SH3BGRL2: variants seen among roughly 807,000 people sequenced by gnomAD.
SH3BGRL2 encodes the protein SH3 domain-binding glutamic acid-rich-like protein 2.
In SH3BGRL2, 21 loss-of-function variants were observed where a neutral mutation model predicts 14.8. The ratio of observed to expected loss-of-function variants is 1.42; its 90% CI spans 1.01 to 2.05. The LOEUF is 2.05. Among genes scored for constraint, SH3BGRL2 ranks in the 30% most tolerant of loss-of-function variants. The pLI, the probability that SH3BGRL2 is intolerant of heterozygous loss-of-function variation, is 0.00. For missense variants in SH3BGRL2, 147 were observed against 130.8 expected, an observed-to-expected ratio of 1.12 and a Z score of -0.61; for synonymous variants, 50 against 47.8, an observed-to-expected ratio of 1.05 and a Z score of -0.19.
In SH3BGRL2 at chr6:79,680,385, C is replaced by G. The variant is rs561488989; in HGVS notation, c.231+6586C>G. On this transcript the variant is annotated intron_variant, in intron 2 of 3. Coordinates refer to ENST00000369838, the MANE Select transcript of SH3BGRL2 (RefSeq NM_031469.4). ...TTGGTATGCTTGTCTGTTTATTTGA[C>G]CATACACAGAAGGGTTTATTTTGGA... is the stretch of plus-strand genomic sequence containing the variant. Among the ~76,000 whole-genome samples, 6 of 152,224 alleles carry G rather than the reference C, an allele frequency of 3.9e-5. No homozygotes were observed. In the East Asian group the frequency reaches 1.2e-3, roughly 29 times the overall value.
the SH3BGRL2 span, among the ~76,000 whole-genome samples, chr6:79,605,983 C>G: frequency 6.6e-6 from 1 of 152,024 alleles, no homozygotes; most frequent in African/African-American, 2.4e-5. Flanking sequence ...GAAAATAATC[C>G]AGAGGTTTCT....
the SH3BGRL2 span, among the ~76,000 whole-genome samples, chr6:79,572,396 A>G: frequency 1.7e-3 from 265 of 152,300 alleles, no homozygotes; most frequent in African/African-American, 5.9e-3. Context: ...TCTTGGTATC[A>G]TGAGATTACA....
intron 1 of SH3BGRL2, among the ~76,000 whole-genome samples, chr6:79,667,372 T>C (rs1769680630): frequency 6.6e-6 from 1 of 152,168 alleles, no homozygotes; most frequent in Non-Finnish European, 1.5e-5. Context: ...CGTATCTAGT[T>C]AGGTTACAGT....
chr6:79,601,269 C>T, the SH3BGRL2 span, among the ~76,000 whole-genome samples: 1 of 152,180 alleles, frequency 6.6e-6, no homozygotes, highest in South Asian at 2.1e-4. Context: ...CTCACTGCAG[C>T]CTTGATGTCC....
At chr6:79,626,040 TC>T in the SH3BGRL2 span, among the ~76,000 whole-genome samples, 1 of 152,194 alleles carries the variant, frequency 6.6e-6, no homozygotes, top group Non-Finnish European at 1.5e-5. Flanking sequence ...ACAAGTTAAA[TC>T]CTTGGGGAGT....
At chr6:79,555,798 G>A in the SH3BGRL2 span, among the ~76,000 whole-genome samples, 7 of 152,202 alleles carry the variant, frequency 4.6e-5, no homozygotes, top group East Asian at 1.9e-4. Context: ...GTGAGCCACC[G>A]CGCCCGGCCC....
At chr6:79,628,036 G>C (rs943958092), upstream of SH3BGRL2, among the ~76,000 whole-genome samples, 8 of 152,208 alleles carry the variant, frequency 5.3e-5, no homozygotes, top group Admixed American at 1.3e-4. Context: ...CTGTGACTTT[G>C]TTACCAATAG....
chr6:79,626,242 ACT>A, the SH3BGRL2 span, among the ~76,000 whole-genome samples: 1 of 152,100 alleles, frequency 6.6e-6, no homozygotes, highest in African/African-American at 2.4e-5. Flanking sequence ...ACATAGCAAC[ACT>A]CTGTCTCTAA....
At position 79,664,691 on chromosome 6, in the gene SH3BGRL2, T is replaced by C. The variant is rs548566075; in HGVS notation, c.46-8923T>C. On this transcript the variant is annotated intron_variant, in intron 1 of 3. Coordinates refer to ENST00000369838, the MANE Select transcript of SH3BGRL2 (RefSeq NM_031469.4). ...CCCATTCATCAGTCATATAAAGGTT[T>C]TTGTTAACAGTTTGATAGTTGAAAT... 3.9e-5 allele frequency among the ~76,000 whole-genome samples: 6 copies of C among 152,326 alleles called. No individual in the cohort carries two copies. In the South Asian group the frequency reaches 1.2e-3, roughly 32 times the overall value.
At chr6:79,653,773 AC>A (rs1308891470) in intron 1 of SH3BGRL2, among the ~76,000 whole-genome samples, 2 of 152,030 alleles carry the variant, frequency 1.3e-5, no homozygotes, top group Non-Finnish European at 2.9e-5. Flanking sequence ...TTTGGAAAGC[AC>A]CCCAGAGATG....
At chr6:79,663,868 C>G (rs55649340) in intron 1 of SH3BGRL2, among the ~76,000 whole-genome samples, 11,953 of 152,284 alleles carry the variant, frequency 0.078, 611 homozygotes, top group Non-Finnish European at 0.11. Flanking sequence ...TCAAGCCTCC[C>G]CAGTGGCGGC....
chr6:79,668,439 C>T (rs967665389), intron 1 of SH3BGRL2, among the ~76,000 whole-genome samples: 1 of 152,032 alleles, frequency 6.6e-6, no homozygotes, highest in Non-Finnish European at 1.5e-5. Context: ...TCCCCAGGGC[C>T]CTGTGGGGGT....
chr6:79,617,636 C>G, the SH3BGRL2 span, among the ~76,000 whole-genome samples: 3 of 152,182 alleles, frequency 2.0e-5, no homozygotes, highest in African/African-American at 7.2e-5. Flanking sequence ...TTAGAAGAGT[C>G]CAGACCAAAG....
the SH3BGRL2 span, among the ~76,000 whole-genome samples, chr6:79,548,319 A>T: frequency 6.6e-6 from 1 of 152,030 alleles, no homozygotes; most frequent in African/African-American, 2.4e-5. Flanking sequence ...TGTAGCACAC[A>T]TGTTATTTTT....
chr6:79,551,077 C>T, the SH3BGRL2 span, among the ~76,000 whole-genome samples: 1 of 152,134 alleles, frequency 6.6e-6, no homozygotes, highest in African/African-American at 2.4e-5. Context: ...AAAGAAATAT[C>T]CACCATTTCA....
the SH3BGRL2 span, among the ~76,000 whole-genome samples, chr6:79,619,486 T>A: frequency 4.5e-4 from 68 of 152,362 alleles, no homozygotes; most frequent in African/African-American, 1.4e-3. Flanking sequence ...TAGTTTATAT[T>A]TTCTTACTTG....
intron 1 of SH3BGRL2, among the ~76,000 whole-genome samples, chr6:79,667,775 T>A (rs2127731490): frequency 6.6e-6 from 1 of 152,246 alleles, no homozygotes; most frequent in African/African-American, 2.4e-5. Context: ...AGCAGTTTAT[T>A]TCACAGGTTT....
At chr6:79,615,832 C>CTTTTTTTTTTTTTTTTTTT in the SH3BGRL2 span, among the ~76,000 whole-genome samples, 1 of 109,238 alleles carries the variant, frequency 9.2e-6, no homozygotes, top group Non-Finnish European at 1.8e-5. Flanking sequence ...TTTTTTCTTT[C>CTTTTTTTTTTTTTTTTTTT]TTTTTTTTTT....
intron 1 of SH3BGRL2, among the ~76,000 whole-genome samples, chr6:79,636,160 G>A (rs1277161731): frequency 6.6e-6 from 1 of 152,184 alleles, no homozygotes; most frequent in Admixed American, 6.5e-5. Context: ...TTTTCCAGAG[G>A]AAGAGACTGA....
Sources: gnomAD v4.1 joint callset for allele counts (sites outside exome capture counted in the v4.1 genomes callset) on GRCh38, gnomAD v4.1.1 for gene constraint, MANE v1.5 for transcripts, NCBI Gene and HGNC (gene_info 2026-07-23, HGNC 2026-07-21) for gene names.